ADGRA2: variants seen among roughly 807,000 people sequenced by gnomAD.
The protein encoded by ADGRA2 is G-protein coupled receptor 124.
A neutral mutation model predicts 98.7 loss-of-function variants in ADGRA2; 61 were observed. The ratio of observed to expected loss-of-function variants is 0.62; its 90% CI spans 0.50 to 0.76. ADGRA2 has a LOEUF of 0.76. Ranked by LOEUF, ADGRA2 falls within the 30% of genes least tolerant of loss-of-function variation. The pLI is 0.00. For synonymous variants in ADGRA2, 858 were observed against 831.5 expected (o/e 1.03, Z -0.55); for missense variants, 1,712 against 1,860.0 (o/e 0.92, Z 1.46).
In ADGRA2 at chr8:37,802,782, A is replaced by G. The variant is rs528870396; in HGVS notation, c.266+5248A>G. On this transcript the variant is annotated intron_variant, in intron 1 of 18. Transcript: ENST00000412232. The surrounding 1 kb of genome is among the most constrained non-coding windows in gnomAD (Gnocchi z 4.7). ...TGCAGGATGTTAGAGTCAGGGTCCC[A>G]TCCTAGGGAGAGCCCTGGGCAGAGC... 1.8e-4 allele frequency among the ~76,000 whole-genome samples: 28 copies of G among 152,256 alleles called. No homozygotes were observed. The highest frequency in any genetic ancestry group is 5.2e-4 in the Admixed American group (8 of 15,296).
At chr8:37,829,745 T>C (rs1805398256) in intron 5 of ADGRA2, 106 bp from the exon 6 acceptor site, 1 of 1,172,220 alleles carries the variant, frequency 8.5e-7, no homozygotes, top group African/African-American at 1.5e-5. Flanking sequence ...AGACCCGATT[T>C]TGCCCCTCCT....
intron 2 of ADGRA2, among the ~76,000 whole-genome samples, chr8:37,817,316 C>G (rs538598279): frequency 6.6e-6 from 1 of 152,326 alleles, no homozygotes; most frequent in African/African-American, 2.4e-5. Flanking sequence ...GTGACATTTG[C>G]ACGCGGCTCC....
At position 37,842,487 on chromosome 8, in the gene ADGRA2, G is replaced by C; in HGVS notation, c.*132G>C. On this transcript the variant is annotated 3_prime_UTR_variant, in exon 19 of 19. Transcript: ENST00000412232. ...CGATGGCTGGAGGAAGCCCACAGGC[G>C]GATGTTCCCCACTTGCCTAGAGGGC... is the stretch of plus-strand genomic sequence containing the variant. 1 of 1,348,582 alleles carries C rather than the reference G, an allele frequency of 7.4e-7. No homozygotes were observed. The highest frequency in any genetic ancestry group is 9.6e-7 in the Non-Finnish European group (1 of 1,042,076). The allele number at this position is 1,348,582 out of a possible 1,614,324, so 83.5% of individuals were successfully genotyped here. A position where few individuals can be genotyped will look rare whatever the true frequency, so the allele number is the denominator to read the frequency against.
chr8:37,842,290 G>C lies in ADGRA2; in HGVS notation c.3952G>C (p.Gly1318Arg). 1.3e-6 allele frequency: 2 copies of C among 1,564,850 alleles called. No homozygotes were observed. Among genetic ancestry groups the C allele is most frequent in the Non-Finnish European group, 8.6e-7 (1 of 1,160,814 alleles). Residue 1318 changes from glycine to arginine, a missense_variant, in exon 19 of 19, where the codon GGC (glycine) becomes CGC (arginine). Gly to Arg is a moderately radical substitution (Grantham distance 125, BLOSUM62 -2). Transcript: ENST00000412232. ...CAAGTACGACGACGTCACCCTGATG[G>C]GCGCGGAGGTAGCCAGCGGCGGCTG... ...GGKYDDVTLM[G>R]AEVASGGCMK...
intron 2 of ADGRA2, among the ~76,000 whole-genome samples, chr8:37,817,702 G>C (rs971999639): frequency 1.1e-4 from 17 of 149,762 alleles, no homozygotes; most frequent in Admixed American, 1.3e-4. Flanking sequence ...GTGAGACCCT[G>C]TCTCTCTAAA....
chr8:37,831,476 C>T lies in ADGRA2; in HGVS notation c.986C>T (p.Thr329Ile). 7 of 1,613,516 alleles carry T rather than the reference C, an allele frequency of 4.3e-6. No individual in the cohort carries two copies. The highest frequency in any genetic ancestry group is 5.9e-6 in the Non-Finnish European group (7 of 1,179,984). The change falls in exon 8 of 19, where the codon ACC becomes ATC. Residue 329 changes from threonine (T) to isoleucine (I), a missense_variant. Transcript: ENST00000412232. ...TGGGCCTCAGGCGAGTGGGAGTGCA[C>T]CGTGTCCATGGCCCAAGGCAACGCC... ...GVWASGEWECTVSMAQGNASK... is the reference protein window; with the variant it reads ...GVWASGEWECIVSMAQGNASK...
chr8:37,836,359 T>A (rs1805615661), intron 13 of ADGRA2, among the ~76,000 whole-genome samples: 2 of 152,102 alleles, frequency 1.3e-5, no homozygotes, highest in South Asian at 4.1e-4. Flanking sequence ...CTGACACAGA[T>A]GGGCCTTGAG....
chr8:37,807,192 G>C (rs36059734), intron 1 of ADGRA2, among the ~76,000 whole-genome samples: 1 of 152,224 alleles, frequency 6.6e-6, no homozygotes, highest in Non-Finnish European at 1.5e-5. Context: ...AGGGAAGGGT[G>C]GCAGGGAAGT....
chr8:37,811,314 C>CAT (rs1804826093), intron 1 of ADGRA2, among the ~76,000 whole-genome samples: 1 of 147,946 alleles, frequency 6.8e-6, no homozygotes, highest in African/African-American at 2.5e-5. Flanking sequence ...GGATTACAGG[C>CAT]GCCTGCCACC....
chr8:37,835,868 C>G, intron 13 of ADGRA2, 98 bp downstream of exon 13: 2 of 742,478 alleles, frequency 2.7e-6, no homozygotes, highest in Non-Finnish European at 2.3e-6. Context: ...CCCCCCAGTG[C>G]CGTAGTGGAA....
intron 2 of ADGRA2, 61 bp downstream of exon 2, chr8:37,815,028 C>A: frequency 9.2e-7 from 1 of 1,091,212 alleles, no homozygotes; most frequent in Non-Finnish European, 1.4e-6. Flanking sequence ...GAGGTCACCC[C>A]GGGGAGGAGG....
chr8:37,840,384 C>T (rs1805754353), intron 17 of ADGRA2, 118 bp downstream of exon 17: 7 of 1,132,350 alleles, frequency 6.2e-6, no homozygotes, highest in South Asian at 2.5e-5. Flanking sequence ...TCTCCAAAGA[C>T]GGGGGAGGCT....
chr8:37,832,669 T>C (rs553340206), intron 8 of ADGRA2, among the ~76,000 whole-genome samples: 81 of 152,344 alleles, frequency 5.3e-4, no homozygotes, highest in African/African-American at 1.9e-3. Flanking sequence ...AAGATCCCAG[T>C]GACCCTCTCT....
rs1438955418 is a variant in ADGRA2 at position 37,836,092 on chromosome 8, CACACA to C, written c.2050+323_2050+327del. Among the ~76,000 whole-genome samples, 316 of 135,396 alleles carry C rather than the reference CACACA, an allele frequency of 2.3e-3. 4 individuals carry two copies. Among genetic ancestry groups the C allele is most frequent in the African/African-American group, 5.5e-3 (182 of 33,226 alleles). 88.8% of individuals were successfully genotyped at this position (135,396 alleles called of 152,430 possible). A position where few individuals can be genotyped will look rare whatever the true frequency, so the allele number is the denominator to read the frequency against. ...ACACACACACACACACACACACACA[CACACA>C]CCCCACAGGCCCAATGCAGACAAGT... On this transcript the variant is annotated intron_variant, in intron 13 of 18. Transcript: ENST00000412232.
At chr8:37,831,664 A>G in intron 8 of ADGRA2, 77 bp downstream of exon 8, 1 of 1,325,764 alleles carries the variant, frequency 7.5e-7, no homozygotes. Context: ...AGGTGGCCAG[A>G]GTTTCCCCAT....
intron 1 of ADGRA2, among the ~76,000 whole-genome samples, chr8:37,801,977 C>T (rs1804521008): frequency 6.6e-6 from 1 of 152,238 alleles, no homozygotes; most frequent in South Asian, 2.1e-4. Flanking sequence ...AAACCCTCAA[C>T]CTGCTCGGCC....
In ADGRA2 at chr8:37,841,473, G is replaced by T. The variant is rs1308303976; in HGVS notation, c.3135G>T (p.Leu1045=). The change falls in exon 19 of 19, where the codon CTG becomes CTT. Residue 1045 remains leucine, a synonymous_variant. Transcript: ENST00000412232. This position sits in a 1 kb window ranked among gnomAD's most constrained non-coding sequence, Gnocchi z 5.0. ...CGALAVSQRW[L]PRVVCSCLYG... is the part of the protein sequence containing the mutation. ...CTCTGGCAGTGTCCCAGCGCTGGCT[G>T]CCCCGGGTGGTGTGCAGCTGCTTGT... is the stretch of plus-strand genomic sequence containing the variant. 3 of 1,612,838 alleles carry T rather than the reference G, an allele frequency of 1.9e-6. No individual in the cohort carries two copies. The highest frequency in any genetic ancestry group is 2.5e-6 in the Non-Finnish European group (3 of 1,179,860).
chr8:37,800,301 GAC>G (rs1804463365), intron 1 of ADGRA2, among the ~76,000 whole-genome samples: 2 of 152,218 alleles, frequency 1.3e-5, no homozygotes, highest in African/African-American at 4.8e-5. Context: ...CAGTTGATGG[GAC>G]TCCGGAGAAG....
Position 37,839,039 on chromosome 8 carries a change from G to A in ADGRA2, c.2343G>A (p.Leu781=). The A allele has an allele frequency of 6.2e-7, 1 of 1,608,822 alleles. No homozygotes were observed. The highest frequency in any genetic ancestry group is 8.5e-7 in the Non-Finnish European group (1 of 1,177,314). The stretch of plus-strand genomic sequence containing the variant: ...TATACCCCTGCACGGCCTTGCTGCT[G>A]CTCTGCCTCTTCGCCACCATCATCA... ...PVVYPCTALL[L]LCLFATIITY... Residue 781 remains leucine, a synonymous_variant, in exon 15 of 19, where the codon CTG becomes CTA. Coordinates refer to ENST00000412232, the MANE Select transcript of ADGRA2 (RefSeq NM_032777.10).
Sources: allele counts gnomAD v4.1 joint callset (sites outside exome capture counted in the v4.1 genomes callset), GRCh38; gene constraint gnomAD v4.1.1; non-coding constraint Gnocchi (gnomAD v3.1); transcripts MANE v1.5; gene names NCBI Gene and HGNC (gene_info 2026-07-23, HGNC 2026-07-21).